Variants in SUCLA2 observed in about 807,000 individuals in gnomAD.
SUCLA2 encodes the protein succinate-CoA ligase ADP-forming subunit beta.
Under a neutral mutation model 54.8 loss-of-function variants are expected in SUCLA2, and 30 were observed. That is an observed-to-expected ratio of 0.55 (90% CI 0.41 to 0.74). The LOEUF (loss-of-function observed/expected upper bound fraction) is 0.74, where lower values mean the gene tolerates loss of function less well. Among genes scored for constraint, SUCLA2 ranks in the 30% least tolerant of loss-of-function variants. SUCLA2 has a pLI of 0.00. For synonymous variants in SUCLA2, 172 were observed against 188.9 expected (o/e 0.91, Z 0.74); for missense variants, 476 against 562.9 (o/e 0.85, Z 1.56).
At chr13:47,972,124 G>C in intron 5 of SUCLA2, 1 of 336,678 alleles carries the variant, frequency 3.0e-6, no homozygotes, top group Non-Finnish European at 5.4e-6. Flanking sequence ...GCATGGTGAC[G>C]TGCGCCTGTA....
chr13:47,957,666 G>A (rs186374194), intron 6 of SUCLA2, among the ~76,000 whole-genome samples: 1 of 152,278 alleles, frequency 6.6e-6, no homozygotes, highest in African/African-American at 2.4e-5. Flanking sequence ...GATTGAACAA[G>A]CCCAAATGAC....
In SUCLA2 at chr13:47,988,999, C is replaced by G; in HGVS notation, c.272-18G>C. ...TTTTGAACCTAGAAGAAAAACACTT[C>G]TATTAAATATGAAGCATGGAGCAGC... On this transcript the variant is annotated intron_variant, in intron 2 of 10. Transcript: ENST00000646932. 6.2e-7 allele frequency: 1 copy of G among 1,606,902 alleles called. No individual in the cohort carries two copies. Among genetic ancestry groups the G allele is most frequent in the Non-Finnish European group, 8.5e-7 (1 of 1,174,726 alleles).
At chr13:47,985,734 T>C (rs1950097683) in intron 4 of SUCLA2, among the ~76,000 whole-genome samples, 1 of 152,198 alleles carries the variant, frequency 6.6e-6, no homozygotes. Context: ...ATGATTTATA[T>C]TCTTTTGGGT....
In SUCLA2 at chr13:47,943,210, G is replaced by C; in HGVS notation, c.*161C>G. ...TTCGTACAAACAGTCCATTCTGAAT[G>C]GTACAATTAAATGCAGTCCAAATCC... On this transcript the variant is annotated 3_prime_UTR_variant, in exon 11 of 11. Transcript: ENST00000646932. 1.3e-6 allele frequency: 1 copy of C among 751,384 alleles called. No homozygotes were observed. 46.5% of individuals were successfully genotyped at this position (751,384 alleles called of 1,614,324 possible).
Position 47,949,817 on chromosome 13 carries a change from C to T in SUCLA2, c.1108-214G>A, listed in dbSNP as rs74347380. Among the ~76,000 whole-genome samples the T allele has an allele frequency of 0.085, 12,884 of 152,258 alleles. 727 individuals are homozygous for T. Among genetic ancestry groups the T allele is most frequent in the South Asian group, 0.18 (872 of 4,826 alleles). ...TCCATCTCCTTGGGTAATTTCAACA[C>T]CTAGTTCACATTTCCTTCTCTACTA... On this transcript the variant is annotated intron_variant, in intron 8 of 10. Coordinates refer to ENST00000646932, the MANE Select transcript of SUCLA2 (RefSeq NM_003850.3).
chr13:47,965,512 C>CAAA, intron 6 of SUCLA2: 1 of 357,818 alleles, frequency 2.8e-6, no homozygotes, highest in African/African-American at 2.7e-5. Context: ...AAAAAACAAA[C>CAAA]AAACAAAAAA....
intron 6 of SUCLA2, among the ~76,000 whole-genome samples, chr13:47,965,324 T>C (rs1441285239): frequency 3.8e-4 from 58 of 151,538 alleles, no homozygotes; most frequent in Non-Finnish European, 5.9e-5. Context: ...AAAAAGCTTC[T>C]GGAAACGATC....
chr13:47,991,422 C>G (rs1406484212), intron 2 of SUCLA2: 1 of 152,224 alleles, frequency 6.6e-6, no homozygotes, highest in African/African-American at 2.4e-5. Context: ...AGCCCCCGAT[C>G]CTTCAAGTTT....
intron 5 of SUCLA2, chr13:47,971,890 G>GA (rs919196095): frequency 5.0e-6 from 2 of 398,322 alleles, no homozygotes; most frequent in Admixed American, 8.8e-5. Context: ...TGAACTGAAA[G>GA]AAAAAAGATG....
At chr13:47,997,892 C>T (rs1321548645) in intron 1 of SUCLA2, among the ~76,000 whole-genome samples, 1 of 152,186 alleles carries the variant, frequency 6.6e-6, no homozygotes, top group Admixed American at 6.5e-5. Flanking sequence ...GAGACCCATT[C>T]TCAACTGCAC....
At chr13:47,965,690 G>A in intron 6 of SUCLA2, 1 of 398,366 alleles carries the variant, frequency 2.5e-6, no homozygotes, top group Non-Finnish European at 4.4e-6. Flanking sequence ...GGCTACATTT[G>A]AATATGTATT....
chr13:47,964,983 T>TA (rs3056600), intron 6 of SUCLA2, among the ~76,000 whole-genome samples: 2 of 144,790 alleles, frequency 1.4e-5, no homozygotes, highest in African/African-American at 2.5e-5. Context: ...TTCATTTATT[T>TA]AAAAAAAAAA....
intron 2 of SUCLA2, 113 bp from the exon 3 acceptor site, chr13:47,989,094 TCA>T: frequency 1.9e-6 from 2 of 1,063,704 alleles, no homozygotes; most frequent in Non-Finnish European, 2.9e-6. Context: ...TCTAATTTAT[TCA>T]CAATGTCCAA....
At chr13:47,978,807 T>TA (rs1350844367) in intron 4 of SUCLA2, among the ~76,000 whole-genome samples, 6 of 151,998 alleles carry the variant, frequency 3.9e-5, no homozygotes, top group Admixed American at 6.6e-5. Flanking sequence ...ACAAGGAACT[T>TA]AAACAAATTT....
chr13:47,973,681 G>C (rs1949986031), intron 4 of SUCLA2, among the ~76,000 whole-genome samples: 1 of 152,052 alleles, frequency 6.6e-6, no homozygotes, highest in Non-Finnish European at 1.5e-5. Flanking sequence ...CAACAACTTG[G>C]AACCAACCCA....
At chr13:47,987,471 T>C (rs1411203682) in intron 4 of SUCLA2, among the ~76,000 whole-genome samples, 2 of 152,136 alleles carry the variant, frequency 1.3e-5, no homozygotes, top group Non-Finnish European at 2.9e-5. Flanking sequence ...GTTACTGTCA[T>C]GGGATTTTTA....
At chr13:47,963,026 C>A (rs886806260) in intron 6 of SUCLA2, among the ~76,000 whole-genome samples, 6 of 143,294 alleles carry the variant, frequency 4.2e-5, no homozygotes, top group African/African-American at 5.1e-5. Context: ...TGTTACGTTT[C>A]TTCCCTGCCA....
At chr13:47,962,868 T>G (rs774879053) in intron 6 of SUCLA2, among the ~76,000 whole-genome samples, 1 of 148,966 alleles carries the variant, frequency 6.7e-6, no homozygotes, top group Non-Finnish European at 1.5e-5. Flanking sequence ...TAGGAGTTTT[T>G]CCTCAGGAAG....
intron 2 of SUCLA2, among the ~76,000 whole-genome samples, chr13:47,995,266 C>A (rs1223503047): frequency 6.6e-6 from 1 of 152,046 alleles, no homozygotes; most frequent in Non-Finnish European, 1.5e-5. Context: ...ATATATAAAT[C>A]AGGTCCCATT....
Sources: allele counts gnomAD v4.1 joint callset (sites outside exome capture counted in the v4.1 genomes callset), GRCh38; gene constraint gnomAD v4.1.1; transcripts MANE v1.5; gene names NCBI Gene and HGNC (gene_info 2026-07-23, HGNC 2026-07-21).